The following MAGI1 variants were observed in gnomAD, a reference collection of about 807,000 sequenced individuals.
MAGI1 encodes the protein membrane associated guanylate kinase, WW and PDZ domain containing 1, also known as membrane-associated guanylate kinase, WW and PDZ domain-containing protein 1.
A neutral mutation model predicts 139.9 loss-of-function variants in MAGI1; 58 were observed. The ratio of observed to expected loss-of-function variants is 0.41; its 90% CI spans 0.34 to 0.52. The LOEUF is 0.52. MAGI1 is among the 20% of genes least tolerant of loss of function. The pLI is 0.12. For synonymous variants in MAGI1, 812 were observed against 737.9 expected, an observed-to-expected ratio of 1.10 and a Z score of -1.63; for missense variants, 1,874 against 1,901.6, an observed-to-expected ratio of 0.99 and a Z score of 0.27.
At chr3:65,680,424 G>A (rs541349147) in intron 1 of MAGI1, among the ~76,000 whole-genome samples, 1 of 152,250 alleles carries the variant, frequency 6.6e-6, no homozygotes, top group African/African-American at 2.4e-5. Context: ...ATTGATTGAT[G>A]TATTAATTTA....
intron 7 of MAGI1, among the ~76,000 whole-genome samples, chr3:65,445,646 T>C (rs1390003467): frequency 6.6e-6 from 1 of 152,204 alleles, no homozygotes; most frequent in Non-Finnish European, 1.5e-5. Context: ...GGATACCCTA[T>C]AATTCCAAAA....
At chr3:65,876,431 T>C (rs955616900) in intron 1 of MAGI1, among the ~76,000 whole-genome samples, 2 of 152,094 alleles carry the variant, frequency 1.3e-5, no homozygotes, top group African/African-American at 4.8e-5. Flanking sequence ...ACTATGTAGT[T>C]AGGAATAAGG....
intron 1 of MAGI1, among the ~76,000 whole-genome samples, chr3:65,685,182 A>G (rs2087914815): frequency 6.6e-6 from 1 of 152,134 alleles, no homozygotes; most frequent in South Asian, 2.1e-4. Context: ...CCATTAATAA[A>G]AAAGTGCTGA....
chr3:65,876,740 T>C (rs1000197220), intron 1 of MAGI1, among the ~76,000 whole-genome samples: 4 of 149,086 alleles, frequency 2.7e-5, no homozygotes, highest in African/African-American at 1.0e-4. Context: ...TCTGCATGTA[T>C]CATGCTTTTT....
At chr3:65,509,377 G>A (rs892613593) in intron 2 of MAGI1, among the ~76,000 whole-genome samples, 13 of 152,256 alleles carry the variant, frequency 8.5e-5, no homozygotes, top group Admixed American at 2.0e-4. Context: ...TGATTTCTGC[G>A]TTTCCATCTG....
At chr3:65,718,673 T>C (rs2032586753) in intron 1 of MAGI1, 2 of 152,116 alleles carry the variant, frequency 1.3e-5, no homozygotes, top group African/African-American at 4.8e-5. Flanking sequence ...TATTACAGGA[T>C]TCACGTACAA....
At chr3:65,425,864 A>G (rs995518367) in intron 12 of MAGI1, among the ~76,000 whole-genome samples, 4 of 152,168 alleles carry the variant, frequency 2.6e-5, no homozygotes. Context: ...TAAAAAAAGT[A>G]AAAAATCCTT....
intron 2 of MAGI1, among the ~76,000 whole-genome samples, chr3:65,540,762 C>G (rs1227671362): frequency 6.6e-6 from 1 of 152,176 alleles, no homozygotes; most frequent in Non-Finnish European, 1.5e-5. Flanking sequence ...AATGCACAAT[C>G]ATTCTTCCTT....
chr3:65,744,557 A>G (rs1352267293), intron 1 of MAGI1, among the ~76,000 whole-genome samples: 1 of 152,234 alleles, frequency 6.6e-6, no homozygotes, highest in African/African-American at 2.4e-5. Flanking sequence ...AAAGGTTCCA[A>G]TCGTATGGAA....
chr3:65,401,062 C>T (rs372591457), intron 13 of MAGI1, among the ~76,000 whole-genome samples: 2 of 152,018 alleles, frequency 1.3e-5, no homozygotes, highest in African/African-American at 2.4e-5. Flanking sequence ...ATGCTACTCA[C>T]GGAGCAGGTG....
rs528691560 is a variant in MAGI1 at position 65,700,632 on chromosome 3, C to T, written c.314-78544G>A. Among the ~76,000 whole-genome samples, 7 of 152,092 alleles carry T rather than the reference C, an allele frequency of 4.6e-5. No individual in the cohort carries two copies. The East Asian group carries it at 1.4e-3, about 29-fold the overall frequency. On this transcript the variant is annotated intron_variant, in intron 1 of 22. Coordinates refer to ENST00000402939, the MANE Select transcript of MAGI1 (RefSeq NM_001033057.2). ...CTACTTATAAATAAAACTGAACAACCACATCTGATTTCATCCTAATGTTGT... is the reference window on the plus strand; with the variant it reads ...CTACTTATAAATAAAACTGAACAACTACATCTGATTTCATCCTAATGTTGT...
chr3:66,034,478 T>C (rs1449071619), intron 1 of MAGI1, among the ~76,000 whole-genome samples: 1 of 152,208 alleles, frequency 6.6e-6, no homozygotes, highest in Non-Finnish European at 1.5e-5. Context: ...GCACCTATTA[T>C]ATTCTAAGGC....
intron 1 of MAGI1, among the ~76,000 whole-genome samples, chr3:65,658,767 C>T (rs1183753414): frequency 6.6e-6 from 1 of 152,190 alleles, no homozygotes; most frequent in Non-Finnish European, 1.5e-5. Flanking sequence ...ATCTTCTGCC[C>T]TCCCATCTCA....
At chr3:65,749,698 T>G (rs1404133684) in intron 1 of MAGI1, among the ~76,000 whole-genome samples, 1 of 138,560 alleles carries the variant, frequency 7.2e-6, no homozygotes. Flanking sequence ...TAAAACCAGG[T>G]CTAGTCTGAG....
chr3:65,891,693 G>T lies in MAGI1; in HGVS notation c.313+146303C>A, dbSNP rs141003777. ...CAACATGCATGACAATAGCCCTAAG[G>T]TGTTGGAAGACTGGGATACAAACCC... On this transcript the variant is annotated intron_variant, in intron 1 of 22. Coordinates refer to ENST00000402939, the MANE Select transcript of MAGI1 (RefSeq NM_001033057.2). Among the ~76,000 whole-genome samples the T allele has an allele frequency of 6.3e-4, 86 of 136,582 alleles. 1 individual carries two copies. Among genetic ancestry groups the T allele is most frequent in the African/African-American group, 2.1e-3 (77 of 36,688 alleles). The allele number at this position is 136,582 out of a possible 152,430, so 89.6% of individuals were successfully genotyped here. A position where few individuals can be genotyped will look rare whatever the true frequency, so the allele number is the denominator to read the frequency against.
intron 1 of MAGI1, among the ~76,000 whole-genome samples, chr3:65,739,039 G>C (rs868683624): frequency 6.6e-6 from 1 of 152,198 alleles, no homozygotes; most frequent in Non-Finnish European, 1.5e-5. Context: ...CTCCTCTCTA[G>C]CTAGGAAAGT....
chr3:65,381,972 A>G lies in MAGI1; in HGVS notation c.2606T>C (p.Ile869Thr), dbSNP rs375183927. 4 of 1,614,020 alleles carry G rather than the reference A, an allele frequency of 2.5e-6. No individual in the cohort carries two copies. The highest frequency in any genetic ancestry group is 2.7e-5 in the African/African-American group (2 of 74,892). The change falls in exon 16 of 23, where the codon ATT becomes ACT. Residue 869 changes from isoleucine to threonine, a missense_variant. By Grantham distance (89) the Ile-to-Thr change is moderately conservative. This residue lies in a region of MAGI1 where 482 missense variants were observed against 509.6 expected (regional missense o/e 0.95). Coordinates refer to ENST00000402939, the MANE Select transcript of MAGI1 (RefSeq NM_001033057.2). ...GACCACAAGCTGGTGTGATTTTCCA[A>G]TTACTGGCGTCCCATCCACACAGAT... ...ELICVDGTPV[I>T]GKSHQLVVQL...
At chr3:65,386,382 C>T (rs1943452263) in intron 14 of MAGI1, among the ~76,000 whole-genome samples, 1 of 152,030 alleles carries the variant, frequency 6.6e-6, no homozygotes, top group African/African-American at 2.4e-5. Flanking sequence ...AGCCAGAAAA[C>T]ACAGACATAA....
chr3:65,454,853 G>C (rs992117495), intron 5 of MAGI1, among the ~76,000 whole-genome samples: 1 of 152,060 alleles, frequency 6.6e-6, no homozygotes, highest in Non-Finnish European at 1.5e-5. Context: ...ACGTATGACT[G>C]CCAGAATCTG....
Sources: allele counts gnomAD v4.1 joint callset (sites outside exome capture counted in the v4.1 genomes callset), GRCh38; gene constraint gnomAD v4.1.1; regional missense constraint gnomAD v4.1.1; transcripts MANE v1.5; gene names NCBI Gene and HGNC (gene_info 2026-07-23, HGNC 2026-07-21).